ERC2: variants seen among roughly 807,000 people sequenced by gnomAD.
ERC2 encodes ELKS/RAB6-interacting/CAST family member 2, also known as ERC protein 2.
A neutral mutation model predicts 114.8 loss-of-function variants in ERC2; 42 were observed. The ratio of observed to expected loss-of-function variants is 0.37; its 90% confidence interval spans 0.29 to 0.47. The LOEUF is 0.47. Ranked by LOEUF, ERC2 falls within the 20% of genes least tolerant of loss-of-function variation. ERC2 has a pLI of 0.99. For synonymous variants in ERC2, 454 were observed against 425.5 expected (o/e 1.07, Z -0.82); for missense variants, 939 against 1,150.7 (o/e 0.82, Z 2.66).
intron 2 of ERC2, among the ~76,000 whole-genome samples, chr3:56,383,554 T>G (rs975033246): frequency 4.6e-5 from 7 of 152,212 alleles, no homozygotes; most frequent in African/African-American, 1.7e-4. Flanking sequence ...TAGTGGATAC[T>G]CAACAAAATG....
chr3:56,203,011 T>C (rs2048494341), intron 3 of ERC2, among the ~76,000 whole-genome samples: 1 of 152,190 alleles, frequency 6.6e-6, no homozygotes, highest in Admixed American at 6.5e-5. Context: ...GACATTGAAA[T>C]CACACATGTC....
intron 11 of ERC2, among the ~76,000 whole-genome samples, chr3:55,990,864 C>G (rs1576475191): frequency 6.6e-6 from 1 of 152,166 alleles, no homozygotes; most frequent in African/African-American, 2.4e-5. Flanking sequence ...AGGCTAAGGA[C>G]AGATGATTGC....
Position 56,441,228 on chromosome 3 carries a change from C to A in ERC2, c.-140-6081G>T, listed in dbSNP as rs987228346. Among the ~76,000 whole-genome samples, 3 of 152,238 alleles carry A rather than the reference C, an allele frequency of 2.0e-5. 1 individual carries two copies. Among genetic ancestry groups the A allele is most frequent in the Middle Eastern group, 6.8e-3 (2 of 294 alleles). On this transcript the variant is annotated intron_variant, in intron 1 of 17. Transcript: ENST00000288221. ...AGAGAGAGGCCACGTGAAGGAGAAC[C>A]AAAGCACCCAGCCAAGAGTCAGCAC... is the stretch of plus-strand genomic sequence containing the variant.
rs1192634226 is a variant in ERC2, at chr3:55,814,677, T to C, written c.2564+73712A>G. ...TAAGATATATGTGGGGTGGTAAATGTGGGCTATTTATTTACAAGCCTGCAT... is the reference window on the plus strand; with the variant it reads ...TAAGATATATGTGGGGTGGTAAATGCGGGCTATTTATTTACAAGCCTGCAT... On this transcript the variant is annotated intron_variant, in intron 14 of 17. Coordinates refer to ENST00000288221, the MANE Select transcript of ERC2 (RefSeq NM_015576.3). Among the ~76,000 whole-genome samples the C allele has an allele frequency of 3.9e-5, 6 of 152,310 alleles. No individual in the cohort carries two copies. In the East Asian group the frequency reaches 9.6e-4, roughly 24 times the overall value.
chr3:56,375,781 G>T (rs566176895), intron 2 of ERC2, among the ~76,000 whole-genome samples: 3 of 152,132 alleles, frequency 2.0e-5, no homozygotes, highest in Non-Finnish European at 4.4e-5. Context: ...CTAGCAACTT[G>T]CATCCATTGA....
At chr3:55,981,312 A>G (rs2070115592) in intron 12 of ERC2, among the ~76,000 whole-genome samples, 2 of 152,242 alleles carry the variant, frequency 1.3e-5, no homozygotes, top group Admixed American at 1.3e-4. Context: ...CAGCATTAGA[A>G]TAAGGCAGCT....
chr3:55,573,423 T>C (rs1056222294), intron 17 of ERC2, among the ~76,000 whole-genome samples: 3 of 152,166 alleles, frequency 2.0e-5, no homozygotes, highest in African/African-American at 7.2e-5. Context: ...TTTCTTTTTT[T>C]GCATGCCTCT....
chr3:56,435,610 G>A (rs899408504), intron 1 of ERC2, among the ~76,000 whole-genome samples: 1 of 152,102 alleles, frequency 6.6e-6, no homozygotes, highest in African/African-American at 2.4e-5. Flanking sequence ...CAAATATTTG[G>A]CATTCATGTT....
chr3:56,284,165 G>T (rs770399510), intron 3 of ERC2, among the ~76,000 whole-genome samples: 2 of 152,150 alleles, frequency 1.3e-5, no homozygotes, highest in Non-Finnish European at 2.9e-5. Flanking sequence ...TGGTGTAGGT[G>T]AACAAAATCA....
At position 55,509,194 on chromosome 3, in the gene ERC2, T is replaced by C. The variant is rs1195588343; in HGVS notation, c.*2122A>G. On this transcript the variant is annotated 3_prime_UTR_variant, in exon 18 of 18. Coordinates refer to ENST00000288221, the MANE Select transcript of ERC2 (RefSeq NM_015576.3). Reference sequence around the variant, plus strand: ...CCTCCAAACAAGAGCTGTGACAAAATTGGCACATACATAGAAATAGCTAGC... The same window carrying C: ...CCTCCAAACAAGAGCTGTGACAAAACTGGCACATACATAGAAATAGCTAGC... 1 of 152,494 alleles carries C rather than the reference T, an allele frequency of 6.6e-6. No homozygotes were observed. Among genetic ancestry groups the C allele is most frequent in the African/African-American group, 2.4e-5 (1 of 41,406 alleles). 9.4% of individuals were successfully genotyped at this position (152,494 alleles called of 1,614,324 possible).
chr3:56,457,783 CCT>C (rs2063130556), intron 1 of ERC2, among the ~76,000 whole-genome samples: 2 of 152,132 alleles, frequency 1.3e-5, no homozygotes, highest in South Asian at 2.1e-4. Flanking sequence ...TGCTATTCCC[CCT>C]GTTATTTGTA....
intron 3 of ERC2, among the ~76,000 whole-genome samples, chr3:56,186,625 G>C (rs1325541174): frequency 1.3e-5 from 2 of 152,084 alleles, no homozygotes; most frequent in African/African-American, 4.8e-5. Flanking sequence ...TCTGCCCTCT[G>C]CCTCCTGGGT....
chr3:55,983,845 T>C (rs2070358481), intron 12 of ERC2, among the ~76,000 whole-genome samples: 1 of 152,170 alleles, frequency 6.6e-6, no homozygotes, highest in African/African-American at 2.4e-5. Context: ...ATAAAGAAAG[T>C]ACATAGTCAG....
chr3:56,467,208 T>G (rs1177515094), intron 1 of ERC2: 2 of 152,382 alleles, frequency 1.3e-5, no homozygotes, highest in African/African-American at 4.8e-5. Flanking sequence ...CCATGACAAG[T>G]GGGAGCTGCC....
At chr3:56,427,573 C>T (rs1040248341) in intron 2 of ERC2, among the ~76,000 whole-genome samples, 3 of 152,166 alleles carry the variant, frequency 2.0e-5, no homozygotes, top group African/African-American at 7.2e-5. Flanking sequence ...AGGGTCTTTA[C>T]AGAGATCATA....
intron 16 of ERC2, among the ~76,000 whole-genome samples, chr3:55,684,251 C>T (rs1273099853): frequency 2.0e-5 from 3 of 152,034 alleles, no homozygotes; most frequent in Non-Finnish European, 4.4e-5. Flanking sequence ...TTATAGTAAT[C>T]AAATACCCTT....
chr3:55,881,378 T>G (rs2063112472), intron 14 of ERC2, among the ~76,000 whole-genome samples: 1 of 152,124 alleles, frequency 6.6e-6, no homozygotes, highest in African/African-American at 2.4e-5. Context: ...TTAAGATGAA[T>G]TGCACCATAT....
chr3:56,390,250 A>C (rs2060080395), intron 2 of ERC2, among the ~76,000 whole-genome samples: 1 of 152,190 alleles, frequency 6.6e-6, no homozygotes, highest in Non-Finnish European at 1.5e-5. Context: ...CTTCTTAGAA[A>C]TCCCCCCACT....
chr3:55,746,545 A>G (rs1200307611), intron 14 of ERC2, among the ~76,000 whole-genome samples: 1 of 152,150 alleles, frequency 6.6e-6, no homozygotes. Context: ...CCCAGCCTGG[A>G]GTGGATCTTT....
Sources: gnomAD v4.1 joint callset for allele counts (sites outside exome capture counted in the v4.1 genomes callset) on GRCh38, gnomAD v4.1.1 for gene constraint, MANE v1.5 for transcripts, NCBI Gene and HGNC (gene_info 2026-07-23, HGNC 2026-07-21) for gene names.